KCNJ6: variants seen among roughly 807,000 people sequenced by gnomAD.
KCNJ6 encodes the protein potassium inwardly rectifying channel subfamily J member 6, also known as G protein-activated inward rectifier potassium channel 2.
Under a neutral mutation model 34.2 loss-of-function variants are expected in KCNJ6, and 9 were observed. The ratio of observed to expected loss-of-function variants is 0.26; its 90% confidence interval spans 0.16 to 0.46. The LOEUF (loss-of-function observed/expected upper bound fraction) is 0.46, where lower values mean the gene tolerates loss of function less well. KCNJ6 is among the 20% of genes least tolerant of loss of function. KCNJ6 has a pLI of 1.00. For synonymous variants in KCNJ6, 196 were observed against 207.1 expected, an observed-to-expected ratio of 0.95 and a Z score of 0.46; for missense variants, 236 against 531.3, an observed-to-expected ratio of 0.44 and a Z score of 5.46.
chr21:37,893,705 T>G (rs908948957), intron 1 of KCNJ6, among the ~76,000 whole-genome samples: 2 of 43,686 alleles, frequency 4.6e-5, no homozygotes, highest in African/African-American at 1.9e-4. Context: ...CAACAAATAC[T>G]ACCTTGGGTT....
chr21:37,748,782 A>G (rs2054980007), intron 2 of KCNJ6, among the ~76,000 whole-genome samples: 1 of 152,206 alleles, frequency 6.6e-6, no homozygotes, highest in African/African-American at 2.4e-5. Context: ...AGCACAAAGG[A>G]CAAACCTAGT....
intron 2 of KCNJ6, among the ~76,000 whole-genome samples, chr21:37,742,643 T>C (rs909128810): frequency 3.3e-5 from 5 of 152,204 alleles, no homozygotes; most frequent in African/African-American, 1.2e-4. Flanking sequence ...AAGCGTTCTG[T>C]AGCCCTCTCA....
intron 1 of KCNJ6, among the ~76,000 whole-genome samples, chr21:37,895,179 T>C (rs1017377645): frequency 6.6e-6 from 1 of 152,228 alleles, no homozygotes; most frequent in African/African-American, 2.4e-5. Context: ...ACCCAAATAA[T>C]AGCCCTGGGA....
intron 2 of KCNJ6, among the ~76,000 whole-genome samples, chr21:37,823,595 C>G (rs1034212165): frequency 6.6e-6 from 1 of 152,146 alleles, no homozygotes; most frequent in African/African-American, 2.4e-5. Context: ...ACATTTCCTC[C>G]TACACACTCT....
chr21:37,885,119 A>T (rs1195697615), intron 1 of KCNJ6, among the ~76,000 whole-genome samples: 1 of 152,120 alleles, frequency 6.6e-6, no homozygotes, highest in Non-Finnish European at 1.5e-5. Context: ...CTATCCCTGG[A>T]TTGACTGCAC....
intron 3 of KCNJ6, among the ~76,000 whole-genome samples, chr21:37,703,480 A>T (rs1404830295): frequency 6.6e-6 from 1 of 152,214 alleles, no homozygotes; most frequent in African/African-American, 2.4e-5. Context: ...GTGTTGAAAG[A>T]CTGAAGAGAG....
intron 1 of KCNJ6, among the ~76,000 whole-genome samples, chr21:37,913,516 A>G (rs536797845): frequency 1.3e-5 from 2 of 152,142 alleles, no homozygotes; most frequent in African/African-American, 4.8e-5. Flanking sequence ...CAGTCCTAGG[A>G]CCCTTAGAAA....
Position 37,663,463 on chromosome 21 carries a change from CAAAAA to C in KCNJ6, c.947-37984_947-37980del, listed in dbSNP as rs34378084. 8.7e-4 allele frequency among the ~76,000 whole-genome samples: 127 copies of C among 146,216 alleles called. 1 individual carries two copies. The East Asian group carries it at 0.02, about 23-fold the overall frequency. ...AAAAGACAAAGAGAGTTTCATGAAA[CAAAAA>C]AAAAAAATCCAGCTACATACTGTTT... On this transcript the variant is annotated intron_variant, in intron 3 of 3. Coordinates refer to ENST00000609713, the MANE Select transcript of KCNJ6 (RefSeq NM_002240.5).
At chr21:37,914,008 G>GGTGTGTGGGGGTGTGT (rs1555855559) in intron 1 of KCNJ6, among the ~76,000 whole-genome samples, 1 of 135,480 alleles carries the variant, frequency 7.4e-6, no homozygotes. Flanking sequence ...GGCGGATCGG[G>GGTGTGTGGGGGTGTGT]GTGTGTGTGT....
intron 1 of KCNJ6, among the ~76,000 whole-genome samples, chr21:37,914,023 G>GTGTGTGTGTC (rs943459924): frequency 2.7e-5 from 4 of 148,856 alleles, no homozygotes; most frequent in African/African-American, 1.0e-4. Context: ...GTGTGTGTGT[G>GTGTGTGTGTC]TGTGTGTGTG....
intron 3 of KCNJ6, among the ~76,000 whole-genome samples, chr21:37,712,373 T>C (rs2054757447): frequency 6.6e-6 from 1 of 152,128 alleles, no homozygotes; most frequent in African/African-American, 2.4e-5. Flanking sequence ...TGTGCTCAGC[T>C]GAGGTTGGGG....
chr21:37,710,823 C>T (rs2123446915), intron 3 of KCNJ6, among the ~76,000 whole-genome samples: 1 of 152,336 alleles, frequency 6.6e-6, no homozygotes, highest in South Asian at 2.1e-4. Context: ...TCAAAATCGC[C>T]CATGTGTCAG....
At chr21:37,755,161 G>T (rs1322603161) in intron 2 of KCNJ6, among the ~76,000 whole-genome samples, 1 of 152,164 alleles carries the variant, frequency 6.6e-6, no homozygotes, top group East Asian at 1.9e-4. Flanking sequence ...AAGATAAACA[G>T]AATTTTCTAG....
At chr21:37,884,368 A>T (rs925279063) in intron 1 of KCNJ6, among the ~76,000 whole-genome samples, 2 of 151,922 alleles carry the variant, frequency 1.3e-5, no homozygotes, top group Admixed American at 1.3e-4. Context: ...CACGACTGAG[A>T]CCCTCGTCTC....
intron 3 of KCNJ6, among the ~76,000 whole-genome samples, chr21:37,644,886 G>A (rs1263004480): frequency 1.3e-5 from 2 of 152,080 alleles, no homozygotes; most frequent in Non-Finnish European, 2.9e-5. Context: ...ACAATAGCCG[G>A]ACTTCCTGCC....
chr21:37,753,982 C>G (rs2055010746), intron 2 of KCNJ6, among the ~76,000 whole-genome samples: 1 of 152,182 alleles, frequency 6.6e-6, no homozygotes, highest in Admixed American at 6.5e-5. Context: ...GCACGGGGTG[C>G]CTTCCTTGTG....
intron 1 of KCNJ6, among the ~76,000 whole-genome samples, chr21:37,871,664 G>C (rs1435820093): frequency 6.6e-6 from 1 of 152,232 alleles, no homozygotes; most frequent in Non-Finnish European, 1.5e-5. Flanking sequence ...AGAACAGTGT[G>C]CTCTTGCAGA....
At chr21:37,749,449 G>A (rs1458133053) in intron 2 of KCNJ6, among the ~76,000 whole-genome samples, 1 of 152,170 alleles carries the variant, frequency 6.6e-6, no homozygotes, top group Non-Finnish European at 1.5e-5. Flanking sequence ...ACTGCTCAAT[G>A]AATCCACCTG....
intron 2 of KCNJ6, among the ~76,000 whole-genome samples, chr21:37,719,034 A>G (rs1445038559): frequency 6.6e-6 from 1 of 151,890 alleles, no homozygotes; most frequent in Non-Finnish European, 1.5e-5. Flanking sequence ...ACAGGCATGG[A>G]GTTGAGAGAA....
Sources: gnomAD v4.1 joint callset for allele counts (sites outside exome capture counted in the v4.1 genomes callset) on GRCh38, gnomAD v4.1.1 for gene constraint, MANE v1.5 for transcripts, NCBI Gene and HGNC (gene_info 2026-07-23, HGNC 2026-07-21) for gene names.